Variants in GREB1 observed in about 807,000 individuals in gnomAD.
GREB1 encodes the protein protein GREB1.
In GREB1, 106 loss-of-function variants were observed where a neutral mutation model predicts 200.7. The ratio of observed to expected loss-of-function variants is 0.53; its 90% CI spans 0.45 to 0.62. The LOEUF (loss-of-function observed/expected upper bound fraction) is 0.62, where lower values mean the gene tolerates loss of function less well. Among genes scored for constraint, GREB1 ranks in the 20% least tolerant of loss-of-function variants. GREB1 has a pLI of 0.00. For synonymous variants in GREB1, 1,132 were observed against 1,092.4 expected, an observed-to-expected ratio of 1.04 and a Z score of -0.72; for missense variants, 2,243 against 2,556.8, an observed-to-expected ratio of 0.88 and a Z score of 2.65.
At position 11,596,143 on chromosome 2, in the gene GREB1, C is replaced by G; in HGVS notation, c.1858C>G (p.His620Asp). ...GDIDILLDKF[H>D]QENQGHISSS... ...CATTGACATTTTGCTGGACAAATTT[C>G]ACCAGGAAAATCAAGGCCATATTTC... Residue 620 changes from histidine to aspartate, a missense_variant, in exon 13 of 33, where the codon CAC (histidine) becomes GAC (aspartate). This residue lies in a region of GREB1 where 1,178 missense variants were observed against 1,387.4 expected (regional missense o/e 0.85). Transcript: ENST00000381486. 1 of 1,613,702 alleles carries G rather than the reference C, an allele frequency of 6.2e-7. No individual in the cohort carries two copies. Among genetic ancestry groups the G allele is most frequent in the Non-Finnish European group, 8.5e-7 (1 of 1,179,636 alleles).
At chr2:11,619,673 G>T (rs992867012) in intron 22 of GREB1, among the ~76,000 whole-genome samples, 14 of 152,102 alleles carry the variant, frequency 9.2e-5, no homozygotes, top group African/African-American at 3.4e-4. Context: ...ACATATTCTT[G>T]TGTTTTTACT....
intron 19 of GREB1, among the ~76,000 whole-genome samples, chr2:11,614,538 A>G (rs1369495535): frequency 6.6e-6 from 1 of 151,838 alleles, no homozygotes; most frequent in African/African-American, 2.4e-5. Context: ...GCTCAGGTTC[A>G]AGCCCCCCCT....
intron 22 of GREB1, among the ~76,000 whole-genome samples, chr2:11,620,137 C>T (rs977023255): frequency 1.3e-5 from 2 of 152,086 alleles, no homozygotes; most frequent in Non-Finnish European, 2.9e-5. Context: ...CTACCATGCC[C>T]GGCTAATTTT....
rs1240291849 is a variant in GREB1 at position 11,580,729 on chromosome 2, A to G, written c.798A>G (p.Leu266=). The G allele has an allele frequency of 1.2e-6, 2 of 1,613,904 alleles. No homozygotes were observed. The highest frequency in any genetic ancestry group is 1.7e-6 in the Non-Finnish European group (2 of 1,179,922). The change falls in exon 7 of 33, where the codon CTA becomes CTG. Residue 266 remains leucine (L), a synonymous_variant. Transcript: ENST00000381486. This position sits in a 1 kb window ranked among gnomAD's most constrained non-coding sequence, Gnocchi z 4.5. The part of the protein sequence containing the change: ...QAGPASDHPS[L]NAAMGPAVFN... ...GACCAGCTTCTGATCACCCCTCACTAAACGCAGCAATGGGTCCGGCTGTTT... is the reference window on the plus strand; with the variant it reads ...GACCAGCTTCTGATCACCCCTCACTGAACGCAGCAATGGGTCCGGCTGTTT...
At chr2:11,593,558 C>G (rs1406634632) in intron 11 of GREB1, among the ~76,000 whole-genome samples, 2 of 152,166 alleles carry the variant, frequency 1.3e-5, no homozygotes, top group Non-Finnish European at 2.9e-5. Flanking sequence ...CTGATCTTGG[C>G]TCATTATAAC....
intron 1 of GREB1, among the ~76,000 whole-genome samples, chr2:11,519,076 G>GA: frequency 6.9e-6 from 1 of 144,246 alleles, no homozygotes. Context: ...CAGCCTGGGT[G>GA]AAAGAATGAG....
chr2:11,550,311 G>A (rs1675687349), intron 1 of GREB1, among the ~76,000 whole-genome samples: 1 of 152,196 alleles, frequency 6.6e-6, no homozygotes, highest in African/African-American at 2.4e-5. Flanking sequence ...GTTATACTGA[G>A]TACCCCCAAT....
Position 11,641,613 on chromosome 2 carries a change from G to A in GREB1, c.*1159G>A, listed in dbSNP as rs1372993607. ...CCATTCTCCTGCCTCAGCCTCCCGA[G>A]TAGCTGGGACTACAGGCGCCCACCA... On this transcript the variant is annotated 3_prime_UTR_variant, in exon 33 of 33. Coordinates refer to ENST00000381486, the MANE Select transcript of GREB1 (RefSeq NM_014668.4). The A allele has an allele frequency of 6.6e-6, 1 of 152,178 alleles. No individual in the cohort carries two copies. Among genetic ancestry groups the A allele is most frequent in the Non-Finnish European group, 1.5e-5 (1 of 68,102 alleles). 9.4% of individuals were successfully genotyped at this position (152,178 alleles called of 1,614,324 possible). A position where few individuals can be genotyped will look rare whatever the true frequency, so the allele number is the denominator to read the frequency against.
intron 4 of GREB1, among the ~76,000 whole-genome samples, chr2:11,567,429 G>C (rs1677784336): frequency 6.6e-6 from 1 of 152,140 alleles, no homozygotes; most frequent in African/African-American, 2.4e-5. Context: ...CCAGCCAAGA[G>C]GTGGTCTTTA....
At chr2:11,534,504 G>A (rs778169011) in intron 1 of GREB1, among the ~76,000 whole-genome samples, 1 of 152,190 alleles carries the variant, frequency 6.6e-6, no homozygotes, top group Non-Finnish European at 1.5e-5. Context: ...TGCAACTCTT[G>A]CTGACCCTGT....
chr2:11,632,906 A>T lies in GREB1; in HGVS notation c.4834A>T (p.Ile1612Phe). 6.2e-7 allele frequency: 1 copy of T among 1,613,932 alleles called. No individual in the cohort carries two copies. The highest frequency in any genetic ancestry group is 8.5e-7 in the Non-Finnish European group (1 of 1,179,928). Reference sequence around the variant, plus strand: ...CACTGCAGGTGCTGCTCATTTCCTCATCAAGGAGCTGTCCTACCATAACCT... The same window carrying T: ...CACTGCAGGTGCTGCTCATTTCCTCTTCAAGGAGCTGTCCTACCATAACCT... ...SAGVGAAHFL[I>F]KELSYHNLEL... The change falls in exon 28 of 33, where the codon ATC becomes TTC. Residue 1612 changes from isoleucine (I) to phenylalanine (F), a missense_variant. Physicochemically the swap from Ile to Phe is conservative, Grantham distance 21. Around this residue, in one of 3 missense-constraint regions of GREB1, gnomAD observed 478 missense variants for 616.3 expected, o/e 0.78. Coordinates refer to ENST00000381486, the MANE Select transcript of GREB1 (RefSeq NM_014668.4).
intron 7 of GREB1, 77 bp from the exon 8 acceptor site, chr2:11,585,084 G>T (rs1679940952): frequency 8.6e-6 from 6 of 694,734 alleles, no homozygotes; most frequent in Non-Finnish European, 1.3e-5. Context: ...ACAGATCATT[G>T]TTCTCCAAAC....
chr2:11,625,332 G>C lies in GREB1; in HGVS notation c.4306+20G>C, dbSNP rs1036553149. On this transcript the variant is annotated intron_variant, in intron 24 of 32. Coordinates refer to ENST00000381486, the MANE Select transcript of GREB1 (RefSeq NM_014668.4). ...GTGAAGGTCAGACTTTGAATCTCTC[G>C]TTTCACCTTCCAGAGTGCATGGGCA... The C allele has an allele frequency of 6.2e-7, 1 of 1,611,852 alleles. No individual in the cohort carries two copies.
intron 1 of GREB1, among the ~76,000 whole-genome samples, chr2:11,534,455 A>G (rs1385899608): frequency 6.6e-6 from 1 of 152,220 alleles, no homozygotes; most frequent in African/African-American, 2.4e-5. Flanking sequence ...GTTTCAAAAC[A>G]AGCGTTATAG....
intron 1 of GREB1, among the ~76,000 whole-genome samples, chr2:11,511,162 G>A (rs1002126141): frequency 1.3e-5 from 2 of 152,156 alleles, no homozygotes; most frequent in African/African-American, 4.8e-5. Context: ...TCACAAGAAC[G>A]AAGCTTTTTC....
chr2:11,507,412 A>AC (rs940334031), intron 1 of GREB1, among the ~76,000 whole-genome samples: 4 of 151,600 alleles, frequency 2.6e-5, no homozygotes, highest in South Asian at 2.1e-4. Context: ...CCAAAAAAAA[A>AC]AAAAAACCAT....
chr2:11,538,726 C>T (rs1339756834), intron 1 of GREB1, among the ~76,000 whole-genome samples: 2 of 126,246 alleles, frequency 1.6e-5, no homozygotes, highest in Non-Finnish European at 3.3e-5. Flanking sequence ...CCCTCCCCCT[C>T]TCTCTCACTT....
rs1449092792 is a variant in GREB1, at chr2:11,627,028, C to G, written c.4373C>G (p.Ser1458Cys). The G allele has an allele frequency of 1.2e-6, 2 of 1,614,034 alleles. No homozygotes were observed. The highest frequency in any genetic ancestry group is 4.5e-5 in the East Asian group (2 of 44,890). ...CGTCAGACGGCACGGATGAGACTGT[C>G]CAAGTACGCAGCGTACAACACTTAC... Reference protein sequence around the residue: ...VRRQTARMRLSKYAAYNTYHH... With the variant: ...VRRQTARMRLCKYAAYNTYHH... The change falls in exon 25 of 33, where the codon TCC becomes TGC. Residue 1458 changes from serine (S) to cysteine (C), a missense_variant. Ser to Cys is a moderately radical substitution (Grantham distance 112, BLOSUM62 -1). This residue lies in a region of GREB1 where 587 missense variants were observed against 553.1 expected (regional missense o/e 1.06). Coordinates refer to ENST00000381486, the MANE Select transcript of GREB1 (RefSeq NM_014668.4).
intron 24 of GREB1, 83 bp from the exon 25 acceptor site, chr2:11,626,879 A>G: frequency 2.1e-6 from 3 of 1,421,078 alleles, no homozygotes; most frequent in African/African-American, 1.4e-5. Flanking sequence ...TCATTTGAGC[A>G]TTTTTGGTTT....
Sources: gnomAD v4.1 joint callset for allele counts (sites outside exome capture counted in the v4.1 genomes callset) on GRCh38, gnomAD v4.1.1 for gene constraint, gnomAD v4.1.1 regional missense constraint, Gnocchi (gnomAD v3.1) non-coding constraint, MANE v1.5 for transcripts, NCBI Gene and HGNC (gene_info 2026-07-23, HGNC 2026-07-21) for gene names.